The following MMADHC variants were observed in gnomAD, a reference collection of about 807,000 sequenced individuals.
The protein encoded by MMADHC is metabolism of cobalamin associated D.
A neutral mutation model predicts 36.3 loss-of-function variants in MMADHC; 23 were observed. That is an observed-to-expected ratio of 0.63 (90% CI 0.46 to 0.90). The LOEUF is 0.90. Among genes scored for constraint, MMADHC ranks in the 40% least tolerant of loss-of-function variants. MMADHC has a pLI of 0.00. For missense variants in MMADHC, 330 were observed against 348.0 expected (o/e 0.95, Z 0.41); for synonymous variants, 97 against 116.1 (o/e 0.84, Z 1.06).
intron 5 of MMADHC, 142 bp from the exon 6 acceptor site, chr2:149,575,983 T>C (rs946149132): frequency 1.6e-5 from 11 of 682,472 alleles, no homozygotes; most frequent in African/African-American, 3.6e-5. Context: ...TATAAATGTA[T>C]GTTATTTTTG....
intron 1 of MMADHC, chr2:149,587,366 A>G (rs1682888941): frequency 1.8e-6 from 1 of 549,728 alleles, no homozygotes. Context: ...TCCGGTTTAC[A>G]GCCGCGGAAA....
chr2:149,585,608 A>G (rs548450086), intron 2 of MMADHC, among the ~76,000 whole-genome samples: 4 of 152,362 alleles, frequency 2.6e-5, no homozygotes, highest in African/African-American at 9.6e-5. Flanking sequence ...TTAGTTAGCA[A>G]CAAATCACTG....
intron 4 of MMADHC, 67 bp downstream of exon 4, chr2:149,579,364 C>T: frequency 7.4e-7 from 1 of 1,343,954 alleles, no homozygotes; most frequent in South Asian, 1.2e-5. Flanking sequence ...AAGTAATATG[C>T]TTATAATAAT....
At chr2:149,574,118 G>A (rs933864071) in intron 6 of MMADHC, among the ~76,000 whole-genome samples, 1 of 152,002 alleles carries the variant, frequency 6.6e-6, no homozygotes, top group African/African-American at 2.4e-5. Flanking sequence ...ATTCAAACTG[G>A]TTATAGGAAA....
In MMADHC at chr2:149,569,908, G is replaced by A. The variant is rs1682612793; in HGVS notation, c.*66C>T. 7.1e-7 allele frequency: 1 copy of A among 1,406,630 alleles called. No individual in the cohort carries two copies. 87.1% of individuals were successfully genotyped at this position (1,406,630 alleles called of 1,614,324 possible). A position where few individuals can be genotyped will look rare whatever the true frequency, so the allele number is the denominator to read the frequency against. On this transcript the variant is annotated 3_prime_UTR_variant, in exon 8 of 8. Coordinates refer to ENST00000303319, the MANE Select transcript of MMADHC (RefSeq NM_015702.3). ...AAATATATTTTAAAAACTTTAGTCT[G>A]ACAGTGTTTATAGATCAACCCAAAT...
At chr2:149,582,590 G>C (rs1283098532) in intron 2 of MMADHC, among the ~76,000 whole-genome samples, 1 of 152,102 alleles carries the variant, frequency 6.6e-6, no homozygotes, top group Admixed American at 6.6e-5. Context: ...TAAAAAGGTA[G>C]CACAACTAAC....
chr2:149,572,335 C>CAAAAAAAACAAAAAAAAA (rs1682653303), intron 6 of MMADHC: 1 of 120,350 alleles, frequency 8.3e-6, no homozygotes, highest in African/African-American at 3.7e-5. Flanking sequence ...ACTCCGTCTC[C>CAAAAAAAACAAAAAAAAA]AAAAAAAAAA....
intron 3 of MMADHC, among the ~76,000 whole-genome samples, chr2:149,581,360 T>G (rs973750315): frequency 6.6e-6 from 1 of 152,176 alleles, no homozygotes; most frequent in African/African-American, 2.4e-5. Context: ...GTTAGAAAAC[T>G]TGGGCAGGAT....
chr2:149,580,404 C>T (rs1234340441), intron 3 of MMADHC, among the ~76,000 whole-genome samples: 2 of 152,030 alleles, frequency 1.3e-5, no homozygotes, highest in South Asian at 4.2e-4. Context: ...CTCTGTTTAC[C>T]AGCCACATGA....
chr2:149,570,282 A>AT (rs1682620482), intron 7 of MMADHC, 114 bp from the exon 8 acceptor site: 2 of 927,472 alleles, frequency 2.2e-6, no homozygotes, highest in Non-Finnish European at 3.4e-6. Flanking sequence ...AAAAAACTAA[A>AT]TAAGTAAAAA....
chr2:149,583,997 C>A (rs530099447), intron 2 of MMADHC, among the ~76,000 whole-genome samples: 1 of 152,236 alleles, frequency 6.6e-6, no homozygotes, highest in Admixed American at 6.5e-5. Context: ...CTTTGTGATA[C>A]GTGTCTCCAA....
rs747913329 is a variant in MMADHC, at chr2:149,587,109, A to G, written c.-12T>C. 3.7e-6 allele frequency: 6 copies of G among 1,613,736 alleles called. No individual in the cohort carries two copies. In the South Asian group the frequency reaches 4.4e-5, roughly 12 times the overall value. On this transcript the variant is annotated 5_prime_UTR_variant, in exon 2 of 8. Transcript: ENST00000303319. Reference sequence around the variant, plus strand: ...CTCACATTGGCCATCTCCGCTGGAGAAGATAGTTCGCAAAATAGCTTTCCT... The same window carrying G: ...CTCACATTGGCCATCTCCGCTGGAGGAGATAGTTCGCAAAATAGCTTTCCT...
chr2:149,586,690 T>G (rs1460484749), intron 2 of MMADHC, among the ~76,000 whole-genome samples: 2 of 152,142 alleles, frequency 1.3e-5, no homozygotes, highest in Non-Finnish European at 2.9e-5. Context: ...ATTCTTATTT[T>G]GTAGGATTTA....
At chr2:149,573,843 C>T (rs1373262022) in intron 6 of MMADHC, among the ~76,000 whole-genome samples, 3 of 148,094 alleles carry the variant, frequency 2.0e-5, no homozygotes, top group African/African-American at 7.4e-5. Flanking sequence ...CAAATGTTTA[C>T]AAAGGTTAAC....
intron 4 of MMADHC, among the ~76,000 whole-genome samples, chr2:149,578,736 A>AT (rs1682751978): frequency 6.6e-6 from 1 of 152,160 alleles, no homozygotes; most frequent in Non-Finnish European, 1.5e-5. Context: ...GTCATCTAAC[A>AT]TAACTCAAAT....
Position 149,579,585 on chromosome 2 carries a change from T to C in MMADHC, c.218A>G (p.Gln73Arg), listed in dbSNP as rs1008765976. 1 of 1,613,966 alleles carries C rather than the reference T, an allele frequency of 6.2e-7. No homozygotes were observed. Among genetic ancestry groups the C allele is most frequent in the African/African-American group, 1.3e-5 (1 of 74,938 alleles). Residue 73 changes from glutamine to arginine, a missense_variant, in exon 4 of 8, where the codon CAG (glutamine) becomes CGG (arginine). By Grantham distance (43) the Gln-to-Arg change is conservative. Transcript: ENST00000303319. The stretch of plus-strand genomic sequence containing the variant: ...ATCAAAACCTATGTTCCCAGGAAGC[T>C]GGAACCTCTGATCTTGAGGTCCAAA... ...GPFGPQDQRF[Q>R]LPGNIGFDCH...
rs140496987 is a variant in MMADHC, at chr2:149,577,589, C to T, written c.373-1047G>A. On this transcript the variant is annotated intron_variant, in intron 4 of 7. Transcript: ENST00000303319. The stretch of plus-strand genomic sequence containing the variant: ...CCCTGCTCGTTGGGAGGCTGAGGCA[C>T]GAGAATTGCTTGAATCCAGGAGGCA... 4.3e-3 allele frequency among the ~76,000 whole-genome samples: 649 copies of T among 150,906 alleles called. 4 individuals carry two copies. Among genetic ancestry groups the T allele is most frequent in the African/African-American group, 0.015 (599 of 41,070 alleles).
Position 149,569,898 on chromosome 2 carries a change from A to T in MMADHC, c.*76T>A. The T allele has an allele frequency of 7.8e-7, 1 of 1,288,014 alleles. No individual in the cohort carries two copies. The highest frequency in any genetic ancestry group is 1.3e-5 in the South Asian group (1 of 77,976). The allele number at this position is 1,288,014 out of a possible 1,614,324, so 79.8% of individuals were successfully genotyped here. A position where few individuals can be genotyped will look rare whatever the true frequency, so the allele number is the denominator to read the frequency against. ...ACTTAGAAATAAATATATTTTAAAA[A>T]CTTTAGTCTGACAGTGTTTATAGAT... On this transcript the variant is annotated 3_prime_UTR_variant, in exon 8 of 8. Coordinates refer to ENST00000303319, the MANE Select transcript of MMADHC (RefSeq NM_015702.3).
At chr2:149,581,411 A>C (rs955967259) in intron 3 of MMADHC, among the ~76,000 whole-genome samples, 1 of 152,184 alleles carries the variant, frequency 6.6e-6, no homozygotes, top group Admixed American at 6.5e-5. Context: ...ATTACGTTGT[A>C]AGTAATGTGT....
Sources: gnomAD v4.1 joint callset for allele counts (sites outside exome capture counted in the v4.1 genomes callset) on GRCh38, gnomAD v4.1.1 for gene constraint, MANE v1.5 for transcripts, NCBI Gene and HGNC (gene_info 2026-07-23, HGNC 2026-07-21) for gene names.